Variants in RUNX2 observed in about 807,000 individuals in gnomAD.
RUNX2 encodes runt-related transcription factor 2.
In RUNX2, 10 loss-of-function variants were observed where a neutral mutation model predicts 51.7. That is an observed-to-expected ratio of 0.19 (90% CI 0.12 to 0.33). RUNX2 has a LOEUF of 0.33. RUNX2 is among the 10% of genes least tolerant of loss of function. The pLI is 1.00. For missense variants in RUNX2, 562 were observed against 691.3 expected (o/e 0.81, Z 2.10); for synonymous variants, 276 against 273.6 (o/e 1.01, Z -0.09).
intron 2 of RUNX2, among the ~76,000 whole-genome samples, chr6:45,416,917 T>C (rs1331382047): frequency 6.6e-6 from 1 of 152,154 alleles, no homozygotes; most frequent in Non-Finnish European, 1.5e-5. Context: ...GAATGCTAAC[T>C]AAAACAACAA....
intron 2 of RUNX2, among the ~76,000 whole-genome samples, chr6:45,355,695 T>A (rs1406635693): frequency 6.6e-6 from 1 of 152,200 alleles, no homozygotes; most frequent in Non-Finnish European, 1.5e-5. Flanking sequence ...TATGTTCACA[T>A]ACTTCTAAAG....
intron 6 of RUNX2, among the ~76,000 whole-genome samples, chr6:45,500,104 G>T (rs1359507393): frequency 6.6e-6 from 1 of 152,128 alleles, no homozygotes; most frequent in African/African-American, 2.4e-5. Context: ...AGAGGGGCAA[G>T]TTAGGCCTGC....
intron 5 of RUNX2, among the ~76,000 whole-genome samples, chr6:45,471,677 C>G (rs1169150842): frequency 6.6e-6 from 1 of 152,040 alleles, no homozygotes. Flanking sequence ...ATCTCCTGAC[C>G]TCGTCCTCCT....
chr6:45,441,378 T>G (rs935234512), intron 5 of RUNX2, among the ~76,000 whole-genome samples: 1 of 152,240 alleles, frequency 6.6e-6, no homozygotes, highest in African/African-American at 2.4e-5. Context: ...CATCATTTAT[T>G]AACTGTATGG....
At chr6:45,533,098 C>T (rs1257476380) in intron 7 of RUNX2, among the ~76,000 whole-genome samples, 2 of 151,544 alleles carry the variant, frequency 1.3e-5, no homozygotes, top group Non-Finnish European at 2.9e-5. Context: ...TACTATAGCA[C>T]CAGGAATAAA....
At chr6:45,439,428 C>T (rs920947200) in intron 5 of RUNX2, among the ~76,000 whole-genome samples, 2 of 152,146 alleles carry the variant, frequency 1.3e-5, no homozygotes, top group African/African-American at 4.8e-5. Flanking sequence ...GCTTTGCCTG[C>T]CTTTTCTGGA....
chr6:45,330,774 C>T (rs1697267449), intron 2 of RUNX2, among the ~76,000 whole-genome samples: 1 of 151,724 alleles, frequency 6.6e-6, no homozygotes, highest in Admixed American at 6.6e-5. Flanking sequence ...GTGGGCTGCA[C>T]CTTCCCTCCC....
intron 5 of RUNX2, among the ~76,000 whole-genome samples, chr6:45,477,562 A>G (rs1253182603): frequency 6.6e-6 from 1 of 152,166 alleles, no homozygotes; most frequent in Non-Finnish European, 1.5e-5. Context: ...CCAAACCAGA[A>G]ACCTGAGACT....
chr6:45,379,231 G>C (rs942368862), intron 2 of RUNX2, among the ~76,000 whole-genome samples: 8 of 152,190 alleles, frequency 5.3e-5, no homozygotes, highest in Non-Finnish European at 8.8e-5. Context: ...TCAGCTTGAT[G>C]TGTAAATCAG....
chr6:45,364,678 CAA>C (rs962102353), intron 2 of RUNX2, among the ~76,000 whole-genome samples: 15 of 152,126 alleles, frequency 9.9e-5, no homozygotes, highest in African/African-American at 3.6e-4. Context: ...TGCAATTTCC[CAA>C]AGATTGAATA....
chr6:45,434,823 A>T (rs1349264780), intron 4 of RUNX2, among the ~76,000 whole-genome samples: 1 of 152,198 alleles, frequency 6.6e-6, no homozygotes, highest in African/African-American at 2.4e-5. Context: ...GCTGTATTTT[A>T]TCACTTATGG....
At chr6:45,446,385 G>A (rs928600328) in intron 5 of RUNX2, among the ~76,000 whole-genome samples, 3 of 152,100 alleles carry the variant, frequency 2.0e-5, no homozygotes, top group Non-Finnish European at 4.4e-5. Context: ...TGATCCAAAT[G>A]TGTCAGTAGT....
rs761037120 is a variant in RUNX2 at position 45,422,796 on chromosome 6, G to T, written c.262G>T (p.Ala88Ser). ...AAAAAAAAAA[A>S]AVPRLRPPHD... ...GGCGGCGGCGGCTGCGGCGGCGGCA[G>T]CTGCAGTGCCCCGGTTGCGGCCGCC... The change falls in exon 3 of 9, where the codon GCT becomes TCT. Residue 88 changes from alanine (A) to serine (S), a missense_variant. Around this residue, in one of 5 missense-constraint regions of RUNX2, gnomAD observed 153 missense variants for 144.8 expected, o/e 1.06. Transcript: ENST00000647337. The T allele has an allele frequency of 3.2e-6, 5 of 1,538,560 alleles. No individual in the cohort carries two copies. Among genetic ancestry groups the T allele is most frequent in the African/African-American group, 1.4e-5 (1 of 69,960 alleles).
At position 45,526,713 on chromosome 6, in the gene RUNX2, A is replaced by T. The variant is rs1050605476; in HGVS notation, c.1021+14306A>T. On this transcript the variant is annotated intron_variant, in intron 7 of 8. Coordinates refer to ENST00000647337, the MANE Select transcript of RUNX2 (RefSeq NM_001024630.4). The stretch of plus-strand genomic sequence containing the variant: ...CAGAAAGGCTCTTGGAACTTTTTCT[A>T]TTGGCATATGGCATAATAATTAAAC... Among the ~76,000 whole-genome samples, 34 of 152,208 alleles carry T rather than the reference A, an allele frequency of 2.2e-4. 1 individual carries two copies. Among genetic ancestry groups the T allele is most frequent in the Admixed American group, 8.5e-4 (13 of 15,278 alleles).
chr6:45,445,983 G>A (rs1179533534), intron 5 of RUNX2, among the ~76,000 whole-genome samples: 2 of 152,084 alleles, frequency 1.3e-5, no homozygotes, highest in South Asian at 2.1e-4. Flanking sequence ...ATGACACATC[G>A]AGAGGCATTT....
chr6:45,344,426 T>C (rs1025652120), intron 2 of RUNX2, among the ~76,000 whole-genome samples: 1 of 151,922 alleles, frequency 6.6e-6, no homozygotes, highest in Non-Finnish European at 1.5e-5. Context: ...ATTGTTTTCA[T>C]TCTCTGATGG....
intron 7 of RUNX2, among the ~76,000 whole-genome samples, chr6:45,521,405 A>G (rs1582202015): frequency 6.6e-6 from 1 of 152,234 alleles, no homozygotes; most frequent in Non-Finnish European, 1.5e-5. Flanking sequence ...TCAAGACTGT[A>G]TCTGTTTCCA....
At chr6:45,456,581 G>A (rs1439013787) in intron 5 of RUNX2, among the ~76,000 whole-genome samples, 2 of 151,972 alleles carry the variant, frequency 1.3e-5, no homozygotes, top group South Asian at 2.1e-4. Flanking sequence ...TATGCTAATC[G>A]AATAAGAATA....
intron 2 of RUNX2, among the ~76,000 whole-genome samples, chr6:45,400,616 C>T (rs1797693536): frequency 6.6e-6 from 1 of 152,212 alleles, no homozygotes; most frequent in Non-Finnish European, 1.5e-5. Context: ...AGTTCTAATT[C>T]CCTGACTCCA....
Sources: allele counts gnomAD v4.1 joint callset (sites outside exome capture counted in the v4.1 genomes callset), GRCh38; gene constraint gnomAD v4.1.1; regional missense constraint gnomAD v4.1.1; transcripts MANE v1.5; gene names NCBI Gene and HGNC (gene_info 2026-07-23, HGNC 2026-07-21).